BMPER: variants seen among roughly 807,000 people sequenced by gnomAD.
The protein encoded by BMPER is BMP binding endothelial regulator.
A neutral mutation model predicts 87.3 loss-of-function variants in BMPER; 45 were observed. The ratio of observed to expected loss-of-function variants is 0.52; its 90% CI spans 0.41 to 0.66. The LOEUF (loss-of-function observed/expected upper bound fraction) is 0.66, where lower values mean the gene tolerates loss of function less well. Among genes scored for constraint, BMPER ranks in the 30% least tolerant of loss-of-function variants. The probability of loss-of-function intolerance (pLI) is 0.00; values close to 1 mark genes in which losing one functional copy is unlikely to be tolerated. For synonymous variants in BMPER, 326 were observed against 316.2 expected (o/e 1.03, Z -0.33); for missense variants, 784 against 867.5 (o/e 0.90, Z 1.21).
intron 6 of BMPER, among the ~76,000 whole-genome samples, chr7:34,017,538 C>T (rs1233292840): frequency 6.6e-6 from 1 of 151,840 alleles, no homozygotes; most frequent in East Asian, 1.9e-4. Context: ...CTGGGTCCCT[C>T]CTGTGGCATG....
chr7:34,035,340 T>A (rs547397991), intron 6 of BMPER, among the ~76,000 whole-genome samples: 1 of 152,354 alleles, frequency 6.6e-6, no homozygotes, highest in South Asian at 2.1e-4. Context: ...TTTGGATTTA[T>A]TTCATTTAAA....
intron 2 of BMPER, among the ~76,000 whole-genome samples, chr7:33,934,518 A>C (rs1388733346): frequency 6.8e-5 from 8 of 117,398 alleles, no homozygotes; most frequent in Admixed American, 6.1e-4. Flanking sequence ...GTGTGTGTAC[A>C]AAAAAAAAAA....
At chr7:33,963,915 A>G (rs779662882) in intron 3 of BMPER, among the ~76,000 whole-genome samples, 1 of 152,338 alleles carries the variant, frequency 6.6e-6, no homozygotes, top group East Asian at 1.9e-4. Context: ...ACCATGGCCA[A>G]TAAGAGATAG....
At chr7:34,134,138 C>A (rs996462636) in intron 13 of BMPER, among the ~76,000 whole-genome samples, 1 of 152,114 alleles carries the variant, frequency 6.6e-6, no homozygotes, top group Non-Finnish European at 1.5e-5. Context: ...TGGCAGGCAT[C>A]AGGGGTAGGT....
intron 13 of BMPER, among the ~76,000 whole-genome samples, chr7:34,120,691 C>T (rs1031622469): frequency 6.6e-6 from 1 of 152,134 alleles, no homozygotes; most frequent in African/African-American, 2.4e-5. Context: ...AGCCGCTGTG[C>T]CCGGCCATTT....
chr7:34,153,010 G>A (rs1562775789), intron 14 of BMPER, 82 bp from the exon 15 acceptor site: 2 of 1,504,206 alleles, frequency 1.3e-6, no homozygotes, highest in Middle Eastern at 1.7e-4. Context: ...AGTGTCATGA[G>A]CCTGCAAGAA....
intron 2 of BMPER, among the ~76,000 whole-genome samples, chr7:33,920,570 T>C (rs1177278862): frequency 6.6e-6 from 1 of 151,594 alleles, no homozygotes; most frequent in Admixed American, 6.6e-5. Flanking sequence ...GGATTACAGG[T>C]GCACACCACC....
chr7:33,983,395 C>A (rs1471686281), intron 6 of BMPER, among the ~76,000 whole-genome samples: 1 of 152,040 alleles, frequency 6.6e-6, no homozygotes, highest in Non-Finnish European at 1.5e-5. Flanking sequence ...TTTTCTTTGA[C>A]ATTTGAGCAT....
At chr7:34,089,684 A>G (rs1053810652) in intron 13 of BMPER, among the ~76,000 whole-genome samples, 35 of 152,086 alleles carry the variant, frequency 2.3e-4, no homozygotes, top group African/African-American at 8.0e-4. Flanking sequence ...GGTTTTCACC[A>G]TGTTGGCCAG....
intron 13 of BMPER, among the ~76,000 whole-genome samples, chr7:34,129,608 GAAAGAGAGAGAGAGAGAA>G (rs1326887998): frequency 1.2e-5 from 1 of 86,456 alleles, no homozygotes; most frequent in Non-Finnish European, 2.4e-5. Context: ...GAGAGAGAGA[GAAAGAGAGAGAGAGAGAA>G]AGAGAGAAAG....
intron 11 of BMPER, among the ~76,000 whole-genome samples, chr7:34,063,318 A>C (rs1163273881): frequency 6.6e-6 from 1 of 152,096 alleles, no homozygotes; most frequent in East Asian, 1.9e-4. Context: ...TAGAATTACT[A>C]GACTCTGTTA....
intron 2 of BMPER, among the ~76,000 whole-genome samples, chr7:33,922,506 T>C (rs968968295): frequency 2.0e-5 from 3 of 152,252 alleles, no homozygotes; most frequent in Non-Finnish European, 4.4e-5. Context: ...TGTTCTGTTT[T>C]GTTTTGTATT....
chr7:33,913,210 A>G (rs1040873004), intron 2 of BMPER, among the ~76,000 whole-genome samples: 1 of 152,180 alleles, frequency 6.6e-6, no homozygotes, highest in African/African-American at 2.4e-5. Context: ...GGACACAAAG[A>G]GAGTGTGCTT....
intron 13 of BMPER, among the ~76,000 whole-genome samples, chr7:34,142,132 A>G (rs1234116248): frequency 6.6e-6 from 1 of 152,214 alleles, no homozygotes; most frequent in Non-Finnish European, 1.5e-5. Flanking sequence ...AAATATAAGG[A>G]TAGTTTAATT....
chr7:34,004,016 C>T (rs1409867851), intron 6 of BMPER, among the ~76,000 whole-genome samples: 1 of 152,006 alleles, frequency 6.6e-6, no homozygotes, highest in Non-Finnish European at 1.5e-5. Context: ...TGTTTCCTTC[C>T]AGGACTATAA....
chr7:34,153,321 G>T lies in BMPER; in HGVS notation c.*48G>T. Reference sequence around the variant, plus strand: ...TCTGAAATCTGGTGACTTTGACACTGAAGCGGAAGAGCCAATGAAGGACTG... The same window carrying T: ...TCTGAAATCTGGTGACTTTGACACTTAAGCGGAAGAGCCAATGAAGGACTG... On this transcript the variant is annotated 3_prime_UTR_variant, in exon 15 of 15. Coordinates refer to ENST00000649409, the MANE Select transcript of BMPER (RefSeq NM_001365308.1). The T allele has an allele frequency of 6.2e-7, 1 of 1,604,624 alleles. No homozygotes were observed. The highest frequency in any genetic ancestry group is 1.1e-5 in the South Asian group (1 of 90,786).
At chr7:33,968,637 G>C (rs1182387079) in intron 4 of BMPER, among the ~76,000 whole-genome samples, 1 of 152,180 alleles carries the variant, frequency 6.6e-6, no homozygotes. Flanking sequence ...GTTGTAAGCA[G>C]AAAGCCAAAC....
intron 6 of BMPER, among the ~76,000 whole-genome samples, chr7:34,002,366 C>T (rs938838349): frequency 1.3e-5 from 2 of 151,630 alleles, no homozygotes; most frequent in Admixed American, 1.3e-4. Flanking sequence ...TATGATTTTG[C>T]CCAACTGTAG....
intron 13 of BMPER, among the ~76,000 whole-genome samples, chr7:34,099,312 T>C (rs1007896879): frequency 5.3e-5 from 8 of 152,228 alleles, no homozygotes; most frequent in Admixed American, 5.2e-4. Flanking sequence ...TAATAGCTCT[T>C]GCTGGCAAGC....
Sources: gnomAD v4.1 joint callset for allele counts (sites outside exome capture counted in the v4.1 genomes callset) on GRCh38, gnomAD v4.1.1 for gene constraint, MANE v1.5 for transcripts, NCBI Gene and HGNC (gene_info 2026-07-23, HGNC 2026-07-21) for gene names.